CPQ: variants seen among roughly 807,000 people sequenced by gnomAD.
The protein encoded by CPQ is carboxypeptidase Q, also known as Ser-Met dipeptidase.
A neutral mutation model predicts 45.7 loss-of-function variants in CPQ; 37 were observed. The observed-to-expected ratio is 0.81, with a 90% CI of 0.62 to 1.07. The LOEUF (loss-of-function observed/expected upper bound fraction) is 1.07. Among genes scored for constraint, CPQ ranks in the 50% least tolerant of loss-of-function variants. The pLI is 0.00. For missense variants in CPQ, 537 were observed against 572.9 expected, an observed-to-expected ratio of 0.94 and a Z score of 0.64; for synonymous variants, 186 against 205.8, an observed-to-expected ratio of 0.90 and a Z score of 0.82.
intron 5 of CPQ, among the ~76,000 whole-genome samples, chr8:97,022,495 T>C (rs942225880): frequency 1.3e-5 from 2 of 152,132 alleles, no homozygotes; most frequent in East Asian, 3.9e-4. Context: ...GACAAAGGAC[T>C]AATATCCAGA....
intron 3 of CPQ, among the ~76,000 whole-genome samples, chr8:96,862,421 T>A (rs1209772258): frequency 1.3e-5 from 2 of 151,678 alleles, no homozygotes; most frequent in African/African-American, 4.8e-5. Flanking sequence ...TTATGGCAAG[T>A]AGTTAGGCTA....
At chr8:96,748,306 A>G (rs1363632972) in intron 1 of CPQ, among the ~76,000 whole-genome samples, 1 of 152,090 alleles carries the variant, frequency 6.6e-6, no homozygotes, top group Non-Finnish European at 1.5e-5. Context: ...ATTTCTCAGC[A>G]TGGCTTACTA....
chr8:96,991,094 G>A (rs141871574), intron 5 of CPQ, among the ~76,000 whole-genome samples: 2 of 152,276 alleles, frequency 1.3e-5, no homozygotes, highest in East Asian at 3.9e-4. Context: ...GGTTCTTAGA[G>A]ACAGGCATCC....
At chr8:97,131,927 C>A (rs1427342409) in intron 7 of CPQ, among the ~76,000 whole-genome samples, 5 of 152,104 alleles carry the variant, frequency 3.3e-5, no homozygotes, top group Non-Finnish European at 7.4e-5. Flanking sequence ...GTCTCATATC[C>A]AGTTAGTTTC....
At chr8:96,716,724 A>G (rs949732984) in intron 1 of CPQ, among the ~76,000 whole-genome samples, 3 of 152,048 alleles carry the variant, frequency 2.0e-5, no homozygotes, top group African/African-American at 7.3e-5. Flanking sequence ...CCTGGCCAAC[A>G]TGGTGAAACC....
chr8:96,667,272 A>G (rs1487842054), intron 1 of CPQ, among the ~76,000 whole-genome samples: 1 of 152,164 alleles, frequency 6.6e-6, no homozygotes, highest in African/African-American at 2.4e-5. Flanking sequence ...AACTTTTTAT[A>G]AATCATAATG....
intron 1 of CPQ, among the ~76,000 whole-genome samples, chr8:96,651,690 A>G (rs1225568911): frequency 1.0e-5 from 1 of 95,914 alleles, no homozygotes; most frequent in Non-Finnish European, 3.0e-5. Context: ...GATATGGAAC[A>G]TTTAATAGTA....
intron 6 of CPQ, among the ~76,000 whole-genome samples, chr8:97,044,171 C>T (rs992598528): frequency 6.6e-6 from 1 of 152,156 alleles, no homozygotes; most frequent in Non-Finnish European, 1.5e-5. Flanking sequence ...TTCTTGGAGG[C>T]TTTGTTTGTT....
At chr8:96,681,200 G>C (rs1809145759) in intron 1 of CPQ, among the ~76,000 whole-genome samples, 1 of 152,198 alleles carries the variant, frequency 6.6e-6, no homozygotes, top group Admixed American at 6.5e-5. Context: ...AAACAATGGA[G>C]AAAATGACTC....
intron 2 of CPQ, among the ~76,000 whole-genome samples, chr8:96,818,989 T>G (rs992722032): frequency 1.3e-5 from 2 of 152,094 alleles, no homozygotes; most frequent in African/African-American, 4.8e-5. Flanking sequence ...GGCCTGGCCA[T>G]CTCCATCATC....
intron 7 of CPQ, among the ~76,000 whole-genome samples, chr8:97,087,193 T>C (rs774102673): frequency 1.3e-5 from 2 of 152,178 alleles, no homozygotes; most frequent in Non-Finnish European, 2.9e-5. Context: ...ACTTCATAAA[T>C]ATTCAACAGG....
At chr8:97,000,332 A>G (rs1280866841) in intron 5 of CPQ, among the ~76,000 whole-genome samples, 2 of 151,908 alleles carry the variant, frequency 1.3e-5, no homozygotes, top group Non-Finnish European at 2.9e-5. Context: ...TTTCCAGAAT[A>G]GTATTGCCCA....
At chr8:97,084,324 A>G (rs1440668564) in intron 7 of CPQ, among the ~76,000 whole-genome samples, 1 of 152,182 alleles carries the variant, frequency 6.6e-6, no homozygotes, top group Non-Finnish European at 1.5e-5. Flanking sequence ...TCTGATTTAT[A>G]CAGTTTATGT....
chr8:96,685,058 C>T (rs1434401998), intron 1 of CPQ, among the ~76,000 whole-genome samples: 2 of 151,830 alleles, frequency 1.3e-5, no homozygotes, highest in Non-Finnish European at 2.9e-5. Flanking sequence ...GAGCTGAGCT[C>T]GTGCCACTGC....
chr8:96,949,838 G>A (rs1271540459), intron 4 of CPQ, among the ~76,000 whole-genome samples: 2 of 152,066 alleles, frequency 1.3e-5, no homozygotes, highest in Non-Finnish European at 2.9e-5. Context: ...AGCCTTGCAG[G>A]TTCCCTGACT....
intron 7 of CPQ, among the ~76,000 whole-genome samples, chr8:97,074,842 T>G (rs1241067742): frequency 2.6e-5 from 4 of 151,986 alleles, no homozygotes; most frequent in Non-Finnish European, 5.9e-5. Context: ...AAAAGGCAGG[T>G]GTCCCTGTGG....
At chr8:96,747,189 G>A (rs868146928) in intron 1 of CPQ, among the ~76,000 whole-genome samples, 1 of 151,684 alleles carries the variant, frequency 6.6e-6, no homozygotes, top group South Asian at 2.1e-4. Flanking sequence ...TACTCTGGAG[G>A]CCAAGGCAGG....
intron 1 of CPQ, among the ~76,000 whole-genome samples, chr8:96,758,781 A>T (rs1041702802): frequency 6.6e-6 from 1 of 152,072 alleles, no homozygotes; most frequent in African/African-American, 2.4e-5. Flanking sequence ...ATTGTCTTCC[A>T]CTTAATTCAT....
In CPQ at chr8:97,123,120, AAAAT is replaced by A. The variant is rs1345374655; in HGVS notation, c.1256-19892_1256-19889del. ...TAAAATAAATAAAATAAAATAAAAT[AAAAT>A]AAATAAAATAAAATAAAATAAAATA... On this transcript the variant is annotated intron_variant, in intron 7 of 7. Transcript: ENST00000220763. Among the ~76,000 whole-genome samples, 26 of 126,768 alleles carry A rather than the reference AAAAT, an allele frequency of 2.1e-4. 1 individual carries two copies. The highest frequency in any genetic ancestry group is 7.9e-4 in the African/African-American group (24 of 30,456). 83.2% of individuals were successfully genotyped at this position (126,768 alleles called of 152,430 possible).
Sources: allele counts gnomAD v4.1 joint callset (sites outside exome capture counted in the v4.1 genomes callset), GRCh38; gene constraint gnomAD v4.1.1; transcripts MANE v1.5; gene names NCBI Gene and HGNC (gene_info 2026-07-23, HGNC 2026-07-21).